The following PIAS2 variants were observed in gnomAD, a reference collection of about 807,000 sequenced individuals.
PIAS2 encodes the protein E3 SUMO-protein ligase PIAS2.
In PIAS2, 19 loss-of-function variants were observed where a neutral mutation model predicts 69.7. That is an observed-to-expected ratio of 0.27 (90% CI 0.19 to 0.40). The LOEUF (loss-of-function observed/expected upper bound fraction) is 0.40, where lower values mean the gene tolerates loss of function less well. PIAS2 is among the 10% of genes least tolerant of loss of function. The pLI is 1.00. For missense variants in PIAS2, 624 were observed against 757.0 expected (o/e 0.82, Z 2.06); for synonymous variants, 261 against 263.2 (o/e 0.99, Z 0.08).
intron 2 of PIAS2, among the ~76,000 whole-genome samples, chr18:46,878,220 C>T (rs559501962): frequency 2.6e-5 from 4 of 152,310 alleles, no homozygotes; most frequent in Admixed American, 2.0e-4. Flanking sequence ...ACTTTTCTCA[C>T]CTGCCTTTTT....
intron 7 of PIAS2, 72 bp downstream of exon 7, chr18:46,844,662 G>C (rs1409577466): frequency 3.9e-6 from 2 of 513,136 alleles, no homozygotes; most frequent in Non-Finnish European, 3.3e-6. Context: ...AATATTTAAA[G>C]CATTAAAGTA....
chr18:46,818,363 G>A, intron 12 of PIAS2: 1 of 1,533,870 alleles, frequency 6.5e-7, no homozygotes, highest in African/African-American at 1.4e-5. Context: ...CAAATTATTT[G>A]TTTTATTTTG....
upstream of PIAS2, chr18:46,917,668 C>T (rs374096853): frequency 9.8e-5 from 60 of 615,340 alleles, no homozygotes; most frequent in South Asian, 2.2e-4. Context: ...TGGCCCCGCT[C>T]GGCCCCAGGT....
In PIAS2 at chr18:46,815,333, G is replaced by A. The variant is rs748966599; in HGVS notation, c.1665C>T (p.Ser555=). Reference sequence around the variant, plus strand: ...ATACCTGGGGATCAACTGGAATAAGGGAAAGAAAATCCAAACCTAAAACAA... The same window carrying A: ...ATACCTGGGGATCAACTGGAATAAGAGAAAGAAAATCCAAACCTAAAACAA... The part of the protein sequence containing the change: ...SSDLPGLDFL[S]LIPVDPQYCP... The change falls in exon 13 of 14, where the codon TCC becomes TCT. Residue 555 remains serine (S), a synonymous_variant. Transcript: ENST00000585916. The A allele has an allele frequency of 1.2e-6, 2 of 1,611,766 alleles. No homozygotes were observed. The highest frequency in any genetic ancestry group is 1.7e-5 in the Admixed American group (1 of 59,920).
At chr18:46,830,704 T>G (rs1356837211) in intron 9 of PIAS2, among the ~76,000 whole-genome samples, 1 of 152,116 alleles carries the variant, frequency 6.6e-6, no homozygotes, top group African/African-American at 2.4e-5. Context: ...ACAGATAATC[T>G]AAGAAGCCCT....
At chr18:46,906,771 TGTGG>T (rs1568881647) in intron 1 of PIAS2, among the ~76,000 whole-genome samples, 2 of 96,374 alleles carry the variant, frequency 2.1e-5, no homozygotes, top group Non-Finnish European at 4.3e-5. Context: ...TATGTGTGTG[TGTGG>T]GGGGGGGGGG....
intron 2 of PIAS2, among the ~76,000 whole-genome samples, chr18:46,864,954 A>G (rs576406340): frequency 6.6e-6 from 1 of 152,192 alleles, no homozygotes; most frequent in Non-Finnish European, 1.5e-5. Context: ...GGTGCTCTGT[A>G]TTTAATTACA....
intron 2 of PIAS2, among the ~76,000 whole-genome samples, chr18:46,881,925 T>A (rs1266791530): frequency 6.6e-6 from 1 of 152,208 alleles, no homozygotes. Context: ...GGTGAAACCC[T>A]GTCTCTACTA....
intron 9 of PIAS2, among the ~76,000 whole-genome samples, chr18:46,834,768 C>G (rs766226347): frequency 1.6e-4 from 25 of 152,156 alleles, no homozygotes; most frequent in Non-Finnish European, 3.1e-4. Context: ...GTGTGAGCCA[C>G]CACACCCAAG....
At chr18:46,914,484 GC>G (rs1248044789) in intron 1 of PIAS2, among the ~76,000 whole-genome samples, 1 of 152,082 alleles carries the variant, frequency 6.6e-6, no homozygotes, top group Non-Finnish European at 1.5e-5. Flanking sequence ...TCTGGTACTG[GC>G]TCACGCAGCA....
intron 9 of PIAS2, 76 bp from the exon 10 acceptor site, chr18:46,829,943 T>C (rs2043355713): frequency 1.5e-6 from 2 of 1,306,326 alleles, no homozygotes; most frequent in African/African-American, 1.5e-5. Context: ...TAATACACAT[T>C]ACCTTGAAAA....
chr18:46,892,636 G>C (rs2054235493), intron 1 of PIAS2, among the ~76,000 whole-genome samples: 1 of 151,796 alleles, frequency 6.6e-6, no homozygotes, highest in East Asian at 1.9e-4. Flanking sequence ...GCCAGCCATG[G>C]TGGTGTGTGT....
intron 3 of PIAS2, among the ~76,000 whole-genome samples, chr18:46,859,000 C>A (rs1289314778): frequency 6.6e-6 from 1 of 152,090 alleles, no homozygotes; most frequent in Non-Finnish European, 1.5e-5. Context: ...GGTTTAGTCA[C>A]CTGTCTAGGG....
At chr18:46,880,355 C>T (rs771169690) in intron 2 of PIAS2, among the ~76,000 whole-genome samples, 23 of 152,060 alleles carry the variant, frequency 1.5e-4, no homozygotes, top group Non-Finnish European at 3.2e-4. Flanking sequence ...CTATACCCTG[C>T]CTGGGTGAGA....
At chr18:46,890,365 A>G (rs144233257) in intron 2 of PIAS2, among the ~76,000 whole-genome samples, 471 of 152,368 alleles carry the variant, frequency 3.1e-3, no homozygotes, top group Non-Finnish European at 5.3e-3. Flanking sequence ...GTATTTTACA[A>G]TAAAAGAATT....
At chr18:46,885,683 C>CAA (rs908058011) in intron 2 of PIAS2, among the ~76,000 whole-genome samples, 13 of 125,904 alleles carry the variant, frequency 1.0e-4, no homozygotes, top group African/African-American at 3.5e-4. Flanking sequence ...GACTCCGTCT[C>CAA]AAAAAAAAAA....
chr18:46,905,870 T>C (rs984842507), intron 1 of PIAS2: 1 of 152,158 alleles, frequency 6.6e-6, no homozygotes, highest in Non-Finnish European at 1.5e-5. Flanking sequence ...TAATGTTACA[T>C]AAACTCTTCC....
intron 8 of PIAS2, among the ~76,000 whole-genome samples, chr18:46,837,815 G>C (rs1408218931): frequency 6.6e-6 from 1 of 152,016 alleles, no homozygotes; most frequent in Non-Finnish European, 1.5e-5. Context: ...AACCAGTCCT[G>C]CTATTTTGAT....
Position 46,810,343 on chromosome 18 carries a change from A to C in PIAS2, c.*2090T>G, listed in dbSNP as rs1298486654. On this transcript the variant is annotated 3_prime_UTR_variant, in exon 14 of 14. Coordinates refer to ENST00000585916, the MANE Select transcript of PIAS2 (RefSeq NM_004671.5). ...AGTCTCTGACAATCTAAAGGGTAAC[A>C]AAATAACAAATATACATCATTTCTT... The C allele has an allele frequency of 6.6e-6, 1 of 152,214 alleles. No homozygotes were observed. Among genetic ancestry groups the C allele is most frequent in the Non-Finnish European group, 1.5e-5 (1 of 68,036 alleles). The allele number at this position is 152,214 out of a possible 1,614,324, so 9.4% of individuals were successfully genotyped here.
Sources: allele counts gnomAD v4.1 joint callset (sites outside exome capture counted in the v4.1 genomes callset), GRCh38; gene constraint gnomAD v4.1.1; transcripts MANE v1.5; gene names NCBI Gene and HGNC (gene_info 2026-07-23, HGNC 2026-07-21).